The following KIF26B variants were observed in gnomAD, a reference collection of about 807,000 sequenced individuals.
The protein encoded by KIF26B is kinesin-like protein KIF26B.
In KIF26B, 63 loss-of-function variants were observed where a neutral mutation model predicts 151.2. That is an observed-to-expected ratio of 0.42 (90% CI 0.34 to 0.51). The LOEUF (loss-of-function observed/expected upper bound fraction) is 0.51. Among genes scored for constraint, KIF26B ranks in the 20% least tolerant of loss-of-function variants. The probability of loss-of-function intolerance (pLI) is 0.07; values close to 1 mark genes in which losing one functional copy is unlikely to be tolerated. For missense variants in KIF26B, 2,813 were observed against 2,913.6 expected, an observed-to-expected ratio of 0.97 and a Z score of 0.79; for synonymous variants, 1,357 against 1,262.1, an observed-to-expected ratio of 1.08 and a Z score of -1.59.
chr1:245,522,570 G>A (rs1369582289), intron 4 of KIF26B, among the ~76,000 whole-genome samples: 1 of 152,172 alleles, frequency 6.6e-6, no homozygotes, highest in African/African-American at 2.4e-5. Flanking sequence ...TTCAGCTGGT[G>A]GTTTTCAGGG....
chr1:245,234,675 C>CCGG (rs1447604079), intron 2 of KIF26B, among the ~76,000 whole-genome samples: 1 of 152,164 alleles, frequency 6.6e-6, no homozygotes, highest in African/African-American at 2.4e-5. Flanking sequence ...GAAGTTCTTC[C>CCGG]CGGCGGCTTG....
At chr1:245,195,402 T>G (rs770193082) in intron 2 of KIF26B, among the ~76,000 whole-genome samples, 9 of 152,228 alleles carry the variant, frequency 5.9e-5, no homozygotes, top group South Asian at 2.1e-4. Flanking sequence ...GTCGTGATGG[T>G]GGGCAACCTT....
At chr1:245,390,258 G>A (rs939076734) in intron 3 of KIF26B, among the ~76,000 whole-genome samples, 3 of 150,394 alleles carry the variant, frequency 2.0e-5, no homozygotes, top group African/African-American at 7.4e-5. Flanking sequence ...TCACTCTGTC[G>A]CCAGGCTGGA....
At chr1:245,507,229 CA>C (rs772599833) in intron 4 of KIF26B, among the ~76,000 whole-genome samples, 6 of 152,264 alleles carry the variant, frequency 3.9e-5, no homozygotes, top group Non-Finnish European at 7.4e-5. Flanking sequence ...GGAAACAGAG[CA>C]GAAGGTTGCA....
chr1:245,465,190 G>C (rs1167311502), intron 4 of KIF26B, among the ~76,000 whole-genome samples: 1 of 152,170 alleles, frequency 6.6e-6, no homozygotes, highest in East Asian at 1.9e-4. Flanking sequence ...ATGTTGGCCA[G>C]GATGGTCTCC....
At chr1:245,519,316 G>T (rs1661036089) in intron 4 of KIF26B, among the ~76,000 whole-genome samples, 2 of 152,140 alleles carry the variant, frequency 1.3e-5, no homozygotes, top group South Asian at 4.2e-4. Context: ...CACTTTGGGA[G>T]GCTGAGGCAG....
chr1:245,694,478 A>AG (rs1276871124), intron 12 of KIF26B, among the ~76,000 whole-genome samples: 2 of 152,218 alleles, frequency 1.3e-5, no homozygotes, highest in African/African-American at 4.8e-5. Flanking sequence ...GGGGGAGCTG[A>AG]GAGGGCTCAG....
chr1:245,515,523 T>C (rs1660942853), intron 4 of KIF26B, among the ~76,000 whole-genome samples: 1 of 152,228 alleles, frequency 6.6e-6, no homozygotes, highest in African/African-American at 2.4e-5. Context: ...AAATAATGTG[T>C]GTGGAAGGCT....
At chr1:245,575,111 C>T (rs1177012708) in intron 5 of KIF26B, among the ~76,000 whole-genome samples, 8 of 151,444 alleles carry the variant, frequency 5.3e-5, no homozygotes, top group East Asian at 4.0e-4. Context: ...GTGATCCACC[C>T]GCCTCGGCCT....
intron 4 of KIF26B, among the ~76,000 whole-genome samples, chr1:245,439,221 C>T (rs539256550): frequency 7.2e-5 from 11 of 151,868 alleles, no homozygotes; most frequent in Non-Finnish European, 1.3e-4. Flanking sequence ...GTGGCATGTG[C>T]CTGTAGTCCT....
In KIF26B at chr1:245,227,155, CAGTTGCGG is replaced by C. The variant is rs1669892999; in HGVS notation, c.465+70475_465+70482del. Among the ~76,000 whole-genome samples, 1 of 152,124 alleles carries C rather than the reference CAGTTGCGG, an allele frequency of 6.6e-6. No individual in the cohort carries two copies. Among genetic ancestry groups the C allele is most frequent in the East Asian group, 1.9e-4 (1 of 5,198 alleles). ...ACCAGGTGACATTATTACCCAGATCCAGTTGCGGAGAGGCGTGTGTGTCTGTCTGGTTG... is the reference window on the plus strand; with the variant it reads ...ACCAGGTGACATTATTACCCAGATCCAGAGGCGTGTGTGTCTGTCTGGTTG... On this transcript the variant is annotated intron_variant, in intron 2 of 14. Transcript: ENST00000407071. The surrounding 1 kb of genome is among the most constrained non-coding windows in gnomAD (Gnocchi z 4.1).
chr1:245,186,031 C>T (rs1319110476), intron 2 of KIF26B, among the ~76,000 whole-genome samples: 7 of 151,886 alleles, frequency 4.6e-5, no homozygotes, highest in African/African-American at 1.7e-4. Flanking sequence ...CCCGCCACCA[C>T]GTCCAGCTAA....
intron 2 of KIF26B, among the ~76,000 whole-genome samples, chr1:245,296,860 A>G (rs1041801804): frequency 1.3e-5 from 2 of 152,194 alleles, no homozygotes; most frequent in African/African-American, 4.8e-5. Flanking sequence ...TTTTCCACAC[A>G]GAACTTGTAA....
rs939898372 is a variant in KIF26B at position 245,698,224 on chromosome 1, G to A, written c.5943G>A (p.Arg1981=). ...ATGGCCCCTTGCGGAGCAGCCCGAGGGGCCTTGGGGAACCCTTTGAGATTA... is the reference window on the plus strand; with the variant it reads ...ATGGCCCCTTGCGGAGCAGCCCGAGAGGCCTTGGGGAACCCTTTGAGATTA... ...WVDGPLRSSP[R]GLGEPFEIKV... The change falls in exon 13 of 15, where the codon AGG becomes AGA. Residue 1981 remains arginine, a synonymous_variant. Transcript: ENST00000407071. The surrounding 1 kb of genome is among the most constrained non-coding windows in gnomAD (Gnocchi z 4.0). The A allele has an allele frequency of 3.7e-6, 6 of 1,613,978 alleles. No homozygotes were observed. Among genetic ancestry groups the A allele is most frequent in the African/African-American group, 1.3e-5 (1 of 75,046 alleles).
Position 245,204,302 on chromosome 1 carries a change from A to G in KIF26B, c.465+47619A>G, listed in dbSNP as rs544304048. ...TCCAGTTAGAGCACTAAGTATCAAC[A>G]CTATTTGGAGCATCACTCCAAACTG... On this transcript the variant is annotated intron_variant, in intron 2 of 14. Coordinates refer to ENST00000407071, the MANE Select transcript of KIF26B (RefSeq NM_018012.4). Among the ~76,000 whole-genome samples, 18 of 152,234 alleles carry G rather than the reference A, an allele frequency of 1.2e-4. No individual in the cohort carries two copies. The South Asian group carries it at 2.3e-3, about 19-fold the overall frequency.
intron 10 of KIF26B, among the ~76,000 whole-genome samples, chr1:245,672,628 T>C (rs2044301996): frequency 6.6e-6 from 1 of 152,148 alleles, no homozygotes; most frequent in Admixed American, 6.5e-5. Flanking sequence ...TGAATACAAA[T>C]GCAACAGCTG....
chr1:245,589,360 A>AG (rs2043261649), intron 5 of KIF26B, among the ~76,000 whole-genome samples: 1 of 152,102 alleles, frequency 6.6e-6, no homozygotes, highest in African/African-American at 2.4e-5. Context: ...CAGGCTGGCA[A>AG]GGCCTTTATG....
At chr1:245,190,648 T>G (rs1011085208) in intron 2 of KIF26B, among the ~76,000 whole-genome samples, 19 of 151,066 alleles carry the variant, frequency 1.3e-4, no homozygotes, top group African/African-American at 4.6e-4. Flanking sequence ...TGTTTTTTTT[T>G]TTTTTTACAT....
rs539988270 is a variant in KIF26B at position 245,536,390 on chromosome 1, G to A, written c.1167-4377G>A. On this transcript the variant is annotated intron_variant, in intron 4 of 14. Transcript: ENST00000407071. ...TTCGTTCATTCATTCAAAACATACC[G>A]TGAGCTCTCTTCCCTGGTAAAATTT... Among the ~76,000 whole-genome samples the A allele has an allele frequency of 3.9e-4, 59 of 152,140 alleles. No individual in the cohort carries two copies. The South Asian group carries it at 0.012, about 31-fold the overall frequency.
Sources: gnomAD v4.1 joint callset for allele counts (sites outside exome capture counted in the v4.1 genomes callset) on GRCh38, gnomAD v4.1.1 for gene constraint, Gnocchi (gnomAD v3.1) non-coding constraint, MANE v1.5 for transcripts, NCBI Gene and HGNC (gene_info 2026-07-23, HGNC 2026-07-21) for gene names.